The following LRMDA variants were observed in gnomAD, a reference collection of about 807,000 sequenced individuals.
The protein encoded by LRMDA is leucine rich melanocyte differentiation associated, also known as leucine-rich melanocyte differentiation-associated protein.
Under a neutral mutation model 29.8 loss-of-function variants are expected in LRMDA, and 18 were observed. The observed-to-expected ratio is 0.60, with a 90% CI of 0.42 to 0.90. The LOEUF is 0.90. LRMDA is among the 40% of genes least tolerant of loss of function. The probability of loss-of-function intolerance (pLI) is 0.00; values close to 1 mark genes in which losing one functional copy is unlikely to be tolerated. For missense variants in LRMDA, 273 were observed against 273.9 expected (o/e 1.00, Z 0.02); for synonymous variants, 125 against 109.4 (o/e 1.14, Z -0.89).
At chr10:76,511,435 G>C (rs1719323584) in intron 6 of LRMDA, among the ~76,000 whole-genome samples, 1 of 152,138 alleles carries the variant, frequency 6.6e-6, no homozygotes, top group Non-Finnish European at 1.5e-5. Flanking sequence ...TCTGAAAGCT[G>C]TCAGCAGCCA....
In LRMDA at chr10:76,214,351, TTTTTA is replaced by T. The variant is rs1342467065; in HGVS notation, c.517-110048_517-110044del. Among the ~76,000 whole-genome samples the T allele has an allele frequency of 5.4e-3, 747 of 138,254 alleles. 9 individuals carry two copies. Among genetic ancestry groups the T allele is most frequent in the African/African-American group, 0.02 (706 of 34,996 alleles). 90.7% of individuals were successfully genotyped at this position (138,254 alleles called of 152,430 possible). On this transcript the variant is annotated intron_variant, in intron 5 of 6. Coordinates refer to ENST00000611255, the MANE Select transcript of LRMDA (RefSeq NM_001305581.2). The stretch of plus-strand genomic sequence containing the variant: ...CCAAATTTTTTTTTTTTTTTTTTTT[TTTTTA>T]TGAGACGGAGTCTCCTCTGTCGCCC...
intron 6 of LRMDA, among the ~76,000 whole-genome samples, chr10:76,530,396 C>T (rs899478059): frequency 2.0e-5 from 3 of 152,030 alleles, no homozygotes; most frequent in Non-Finnish European, 4.4e-5. Context: ...ACACTATGCC[C>T]AAGGACTCAG....
intron 6 of LRMDA, among the ~76,000 whole-genome samples, chr10:76,392,413 A>C (rs1257402944): frequency 1.3e-5 from 2 of 152,156 alleles, no homozygotes; most frequent in Non-Finnish European, 2.9e-5. Context: ...AAAGGGGTTA[A>C]ATAATACAGA....
At chr10:76,250,727 G>A (rs1231851063) in intron 5 of LRMDA, among the ~76,000 whole-genome samples, 1 of 152,158 alleles carries the variant, frequency 6.6e-6, no homozygotes, top group African/African-American at 2.4e-5. Flanking sequence ...CTTTGCACCT[G>A]AAGGAGCATT....
chr10:76,412,764 T>C (rs891595273), intron 6 of LRMDA, among the ~76,000 whole-genome samples: 1 of 152,196 alleles, frequency 6.6e-6, no homozygotes, highest in Non-Finnish European at 1.5e-5. Flanking sequence ...CCTCCCATCA[T>C]CTCAGCCTGA....
intron 2 of LRMDA, among the ~76,000 whole-genome samples, chr10:75,797,512 C>T (rs1843673069): frequency 6.6e-6 from 1 of 152,102 alleles, no homozygotes; most frequent in Non-Finnish European, 1.5e-5. Context: ...AGATTTCTGT[C>T]ACCCTTAAAA....
At chr10:75,514,650 A>T (rs1845268983) in intron 2 of LRMDA, among the ~76,000 whole-genome samples, 1 of 152,072 alleles carries the variant, frequency 6.6e-6, no homozygotes, top group African/African-American at 2.4e-5. Flanking sequence ...ACTGATAGTT[A>T]AAAAGAGGCT....
At chr10:76,538,676 T>C (rs1564570376) in intron 6 of LRMDA, among the ~76,000 whole-genome samples, 1 of 151,848 alleles carries the variant, frequency 6.6e-6, no homozygotes, top group African/African-American at 2.4e-5. Context: ...TTGTTTAACT[T>C]GTTACAACTC....
chr10:75,603,282 A>T (rs1840911082), intron 2 of LRMDA, among the ~76,000 whole-genome samples: 1 of 151,952 alleles, frequency 6.6e-6, no homozygotes, highest in Non-Finnish European at 1.5e-5. Flanking sequence ...AACTGAGTCA[A>T]GTTTAGGGTC....
chr10:76,030,759 A>C (rs1848135906), intron 2 of LRMDA, among the ~76,000 whole-genome samples: 2 of 152,252 alleles, frequency 1.3e-5, no homozygotes, highest in Admixed American at 1.3e-4. Flanking sequence ...ACTGCACTCC[A>C]GCCTGATGAC....
At chr10:75,623,730 C>A (rs193171546) in intron 2 of LRMDA, among the ~76,000 whole-genome samples, 1 of 152,304 alleles carries the variant, frequency 6.6e-6, no homozygotes, top group East Asian at 1.9e-4. Flanking sequence ...TTGTGGCTAA[C>A]AGAATGCTGA....
intron 2 of LRMDA, among the ~76,000 whole-genome samples, chr10:75,977,668 A>G (rs1419136365): frequency 6.6e-6 from 1 of 152,184 alleles, no homozygotes; most frequent in Non-Finnish European, 1.5e-5. Flanking sequence ...TAGAGAGGCT[A>G]AAGTCACTTT....
At chr10:75,880,619 A>C (rs1845278239) in intron 2 of LRMDA, among the ~76,000 whole-genome samples, 1 of 152,174 alleles carries the variant, frequency 6.6e-6, no homozygotes, top group African/African-American at 2.4e-5. Flanking sequence ...TTGTAAGTAC[A>C]CACTTTCACT....
intron 2 of LRMDA, among the ~76,000 whole-genome samples, chr10:75,533,691 G>T (rs1377138563): frequency 6.6e-6 from 1 of 152,182 alleles, no homozygotes; most frequent in Admixed American, 6.5e-5. Context: ...TTGTGTTTGG[G>T]ATCAGGCAGT....
chr10:75,584,900 T>G (rs1459888794), intron 2 of LRMDA, among the ~76,000 whole-genome samples: 1 of 152,136 alleles, frequency 6.6e-6, no homozygotes, highest in Non-Finnish European at 1.5e-5. Context: ...CCCTCTAACT[T>G]TGGGGCAGCA....
intron 2 of LRMDA, among the ~76,000 whole-genome samples, chr10:75,911,604 TA>T (rs1845844319): frequency 6.6e-6 from 1 of 152,224 alleles, no homozygotes; most frequent in Non-Finnish European, 1.5e-5. Context: ...AGTGAACAGC[TA>T]ATAAGATAGG....
intron 2 of LRMDA, among the ~76,000 whole-genome samples, chr10:75,675,980 T>C (rs1841955448): frequency 6.6e-6 from 1 of 152,188 alleles, no homozygotes. Flanking sequence ...GATACAGAGA[T>C]GGAAGGTTTT....
chr10:75,632,386 G>GAA (rs1182559928), intron 2 of LRMDA, among the ~76,000 whole-genome samples: 8 of 152,162 alleles, frequency 5.3e-5, no homozygotes, highest in Non-Finnish European at 1.0e-4. Flanking sequence ...CATCTAAAAA[G>GAA]AAAAGAGTGT....
chr10:76,371,784 C>G (rs1460254581), intron 6 of LRMDA, among the ~76,000 whole-genome samples: 1 of 152,140 alleles, frequency 6.6e-6, no homozygotes, highest in Non-Finnish European at 1.5e-5. Flanking sequence ...TGGTCCCAAC[C>G]TGGTATTGAT....
Sources: allele counts gnomAD v4.1 joint callset (sites outside exome capture counted in the v4.1 genomes callset), GRCh38; gene constraint gnomAD v4.1.1; transcripts MANE v1.5; gene names NCBI Gene and HGNC (gene_info 2026-07-23, HGNC 2026-07-21).